Variants in RET observed in about 807,000 individuals in gnomAD.
The protein encoded by RET is ret proto-oncogene.
In RET, 19 loss-of-function variants were observed where a neutral mutation model predicts 118.3. That is an observed-to-expected ratio of 0.16 (90% CI 0.11 to 0.24). RET has a LOEUF of 0.24. Ranked by LOEUF, RET falls within the 10% of genes least tolerant of loss-of-function variation. RET has a pLI of 1.00. For missense variants in RET, 1,219 were observed against 1,502.1 expected (o/e 0.81, Z 3.12); for synonymous variants, 597 against 644.1 (o/e 0.93, Z 1.11).
chr10:43,129,184 T>C lies in RET; in HGVS notation c.*915T>C, dbSNP rs1221883929. ...GCCTGCAGCACACCCCACAGCCAAGTAGAGGCGAAAGCAGTGGCTCATCCT... is the reference window on the plus strand; with the variant it reads ...GCCTGCAGCACACCCCACAGCCAAGCAGAGGCGAAAGCAGTGGCTCATCCT... On this transcript the variant is annotated 3_prime_UTR_variant, in exon 20 of 20. Transcript: ENST00000355710. 8.6e-6 allele frequency: 2 copies of C among 233,400 alleles called. No individual in the cohort carries two copies. The highest frequency in any genetic ancestry group is 8.5e-6 in the Non-Finnish European group (1 of 118,078). 14.5% of individuals were successfully genotyped at this position (233,400 alleles called of 1,614,324 possible).
intron 1 of RET, among the ~76,000 whole-genome samples, chr10:43,081,661 C>A (rs1053254717): frequency 6.6e-6 from 1 of 152,134 alleles, no homozygotes; most frequent in Admixed American, 6.5e-5. Flanking sequence ...TGGGAGGCTG[C>A]CAGTCAGTGG....
chr10:43,116,497 C>T (rs1838073048), intron 11 of RET, 87 bp from the exon 12 acceptor site: 2 of 1,499,184 alleles, frequency 1.3e-6, no homozygotes, highest in Non-Finnish European at 1.9e-6. Context: ...GTCCATGGGG[C>T]CTCCTTTAAG....
intron 5 of RET, among the ~76,000 whole-genome samples, chr10:43,107,680 G>A (rs1185246266): frequency 6.6e-6 from 1 of 151,978 alleles, no homozygotes; most frequent in Non-Finnish European, 1.5e-5. Flanking sequence ...ACCACAGCCT[G>A]GAGAAAACAC....
chr10:43,104,890 G>A (rs2132701671), intron 3 of RET, 62 bp from the exon 4 acceptor site: 2 of 1,534,376 alleles, frequency 1.3e-6, no homozygotes, highest in African/African-American at 1.4e-5. Flanking sequence ...CCTTCCCGAG[G>A]AAAGCGGCTG....
intron 10 of RET, 146 bp downstream of exon 10, chr10:43,113,821 C>G: frequency 8.1e-7 from 1 of 1,235,956 alleles, no homozygotes; most frequent in African/African-American, 1.5e-5. Context: ...GCCTCTGTTA[C>G]TCCACCCAGG....
intron 3 of RET, among the ~76,000 whole-genome samples, chr10:43,103,379 G>A (rs960013780): frequency 5.3e-5 from 8 of 152,190 alleles, no homozygotes; most frequent in Non-Finnish European, 1.0e-4. Context: ...AGGAGGATGT[G>A]GGGTGTGATG....
In RET at chr10:43,129,047, G is replaced by A. The variant is rs751939293; in HGVS notation, c.*778G>A. 5 of 234,656 alleles carry A rather than the reference G, an allele frequency of 2.1e-5. No homozygotes were observed. Among genetic ancestry groups the A allele is most frequent in the South Asian group, 1.8e-4 (1 of 5,588 alleles). The allele number at this position is 234,656 out of a possible 1,614,324, so 14.5% of individuals were successfully genotyped here. Reference sequence around the variant, plus strand: ...CCCACCACATCATCCTCACGTGTTCGGTACTGAGCAGCCACTACCCCTGAT... The same window carrying A: ...CCCACCACATCATCCTCACGTGTTCAGTACTGAGCAGCCACTACCCCTGAT... On this transcript the variant is annotated 3_prime_UTR_variant, in exon 20 of 20. Transcript: ENST00000355710.
intron 1 of RET, among the ~76,000 whole-genome samples, chr10:43,082,302 C>T (rs1379061507): frequency 6.6e-6 from 1 of 152,184 alleles, no homozygotes; most frequent in African/African-American, 2.4e-5. Context: ...TCGCACCTGG[C>T]CCTGGAGGGA....
At position 43,128,375 on chromosome 10, in the gene RET, C is replaced by T. The variant is rs1278142026; in HGVS notation, c.*106C>T. The T allele has an allele frequency of 1.5e-6, 2 of 1,364,476 alleles. No individual in the cohort carries two copies. Among genetic ancestry groups the T allele is most frequent in the Non-Finnish European group, 2.1e-6 (2 of 961,016 alleles). 84.5% of individuals were successfully genotyped at this position (1,364,476 alleles called of 1,614,324 possible). ...AACGTCACATTGGCCGAGCCGTGTT[C>T]AGTTCCCAGGTGGCAGACTCGTTTT... On this transcript the variant is annotated 3_prime_UTR_variant, in exon 20 of 20. Transcript: ENST00000355710.
At position 43,105,196 on chromosome 10, in the gene RET, GC is replaced by G. The variant is rs398124368; in HGVS notation, c.867+4del. On this transcript the variant is annotated splice_donor_region_variant and intron_variant, in intron 4 of 19. Transcript: ENST00000355710. The stretch of plus-strand genomic sequence containing the variant: ...TGGTGGAGTTCAAGCGGAAGGAGGT[GC>G]TTGTCCGCGCGTGCTGTGGTCTACC... 1.2e-5 allele frequency: 20 copies of G among 1,612,658 alleles called. No homozygotes were observed. The highest frequency in any genetic ancestry group is 1.7e-6 in the Non-Finnish European group (2 of 1,179,906).
chr10:43,078,214 G>C (rs1019616100), intron 1 of RET, among the ~76,000 whole-genome samples: 5 of 152,348 alleles, frequency 3.3e-5, no homozygotes, highest in African/African-American at 1.2e-4. Context: ...ACGCGTTTAA[G>C]TGTCCCTCAA....
At chr10:43,109,805 G>A (rs1564493679) in intron 6 of RET, among the ~76,000 whole-genome samples, 1 of 152,236 alleles carries the variant, frequency 6.6e-6, no homozygotes, top group African/African-American at 2.4e-5. Context: ...CATTAAAGAA[G>A]ATGAGGCATG....
At chr10:43,111,555 C>A (rs2132780567) in intron 7 of RET, 90 bp downstream of exon 7, 1 of 1,421,488 alleles carries the variant, frequency 7.0e-7, no homozygotes, top group Non-Finnish European at 9.5e-7. Flanking sequence ...AGTACAGCTG[C>A]AAGGCTTAGC....
At chr10:43,127,424 G>A in intron 19 of RET, 1 of 1,058,172 alleles carries the variant, frequency 9.5e-7, no homozygotes, top group Non-Finnish European at 1.1e-6. Context: ...ATGGTCTGTG[G>A]TGCTGTGGTC....
intron 9 of RET, among the ~76,000 whole-genome samples, chr10:43,113,348 G>A (rs1278764800): frequency 6.6e-6 from 1 of 152,186 alleles, no homozygotes; most frequent in African/African-American, 2.4e-5. Context: ...GAAATGTTAG[G>A]AGGGGGCCTG....
Position 43,112,771 on chromosome 10 carries a change from G to C in RET, c.1649-82G>C. 5 of 1,102,096 alleles carry C rather than the reference G, an allele frequency of 4.5e-6. No homozygotes were observed. The South Asian group carries it at 6.5e-5, about 14-fold the overall frequency. The allele number at this position is 1,102,096 out of a possible 1,614,324, so 68.3% of individuals were successfully genotyped here. A position where few individuals can be genotyped will look rare whatever the true frequency, so the allele number is the denominator to read the frequency against. On this transcript the variant is annotated intron_variant, in intron 8 of 19. Transcript: ENST00000355710. ...AGGCCTCCAGTTGCTCCTCCCTAGA[G>C]GGGCAGGATCTGCCTAGGAGGTGGT...
intron 1 of RET, among the ~76,000 whole-genome samples, chr10:43,092,015 A>G (rs1003478933): frequency 2.0e-5 from 3 of 152,230 alleles, no homozygotes; most frequent in South Asian, 2.1e-4. Context: ...AGCAGGAAGC[A>G]GTCAGGATAT....
In RET at chr10:43,119,519, C is replaced by T. The variant is rs2132941756; in HGVS notation, c.2393-12C>T. The T allele has an allele frequency of 6.3e-7, 1 of 1,587,340 alleles. No homozygotes were observed. The highest frequency in any genetic ancestry group is 8.5e-7 in the Non-Finnish European group (1 of 1,170,552). ...GACCCGCACGCCCAGGGCCCCCTCT[C>T]TCCGCCCCCAGGCCCGCTCCTCCTC... is the stretch of plus-strand genomic sequence containing the variant. On this transcript the variant is annotated splice_polypyrimidine_tract_variant and intron_variant, in intron 13 of 19. Coordinates refer to ENST00000355710, the MANE Select transcript of RET (RefSeq NM_020975.6).
intron 18 of RET, 125 bp from the exon 19 acceptor site, chr10:43,126,450 G>A (rs1838330027): frequency 1.1e-6 from 1 of 897,868 alleles, no homozygotes; most frequent in East Asian, 2.4e-5. Context: ...TCTTGGAGAG[G>A]TCAGGAGATT....
Sources: gnomAD v4.1 joint callset for allele counts (sites outside exome capture counted in the v4.1 genomes callset) on GRCh38, gnomAD v4.1.1 for gene constraint, MANE v1.5 for transcripts, NCBI Gene and HGNC (gene_info 2026-07-23, HGNC 2026-07-21) for gene names.